GSE1: variants seen among roughly 807,000 people sequenced by gnomAD.
GSE1 encodes the protein genetic suppressor element 1.
Under a neutral mutation model 112.6 loss-of-function variants are expected in GSE1, and 32 were observed. The ratio of observed to expected loss-of-function variants is 0.28; its 90% CI spans 0.21 to 0.38. The LOEUF is 0.38. Ranked by LOEUF, GSE1 falls within the 10% of genes least tolerant of loss-of-function variation. The pLI is 1.00. For missense variants in GSE1, 2,348 were observed against 1,699.2 expected, an observed-to-expected ratio of 1.38 and a Z score of -6.71; for synonymous variants, 1,115 against 735.6, an observed-to-expected ratio of 1.52 and a Z score of -8.35.
intron 1 of GSE1, among the ~76,000 whole-genome samples, chr16:85,569,075 CT>C (rs1197932713): frequency 6.6e-6 from 1 of 152,218 alleles, no homozygotes; most frequent in East Asian, 1.9e-4. Context: ...AAATTCAAGC[CT>C]TCTTGAAATA....
At position 85,663,529 on chromosome 16, in the gene GSE1, G is replaced by C; in HGVS notation, c.2559G>C (p.Glu853Asp). ...LALSTRYSPD[E>D]MNNSPNFEEK... ...TGTCTACCCGCTACAGCCCTGATGA[G>C]ATGAACAACAGTCCCAACTTCGAAG... is the stretch of plus-strand genomic sequence containing the variant. The change falls in exon 11 of 16, where the codon GAG (glutamate) becomes GAC (aspartate). Residue 853 changes from glutamate (E) to aspartate (D), a missense_variant. Physicochemically the swap from Glu to Asp is conservative, Grantham distance 45. Transcript: ENST00000253458. The C allele has an allele frequency of 1.2e-6, 2 of 1,613,902 alleles. No homozygotes were observed. The highest frequency in any genetic ancestry group is 1.7e-6 in the Non-Finnish European group (2 of 1,180,002).
intron 2 of GSE1, among the ~76,000 whole-genome samples, chr16:85,393,848 C>T (rs1567732292): frequency 6.6e-6 from 1 of 152,192 alleles, no homozygotes; most frequent in Non-Finnish European, 1.5e-5. Context: ...TTCCCCACCA[C>T]GGGCAGGTGG....
At chr16:85,667,544 T>G (rs13340881) in intron 13 of GSE1, among the ~76,000 whole-genome samples, 1 of 152,198 alleles carries the variant, frequency 6.6e-6, no homozygotes, top group African/African-American at 2.4e-5. Context: ...TGCTGAGGGC[T>G]GACTATAGAC....
chr16:85,303,454 G>C (rs561045753), intron 1 of GSE1, among the ~76,000 whole-genome samples: 31 of 152,306 alleles, frequency 2.0e-4, no homozygotes, highest in African/African-American at 7.2e-4. Context: ...AGCCCTCCTA[G>C]CCACCAGAGG....
intron 2 of GSE1, among the ~76,000 whole-genome samples, chr16:85,477,472 A>G (rs2050493968): frequency 7.0e-6 from 1 of 143,854 alleles, no homozygotes; most frequent in South Asian, 2.2e-4. Flanking sequence ...GGCACCCCTC[A>G]CCTCCTTATT....
At chr16:85,260,894 C>G (rs1162347293) in intron 1 of GSE1, among the ~76,000 whole-genome samples, 1 of 152,232 alleles carries the variant, frequency 6.6e-6, no homozygotes, top group African/African-American at 2.4e-5. Context: ...GTGCCAGCAT[C>G]CAGATGGGGG....
intron 1 of GSE1, among the ~76,000 whole-genome samples, chr16:85,194,683 C>T (rs1051623242): frequency 1.3e-5 from 2 of 152,148 alleles, no homozygotes; most frequent in African/African-American, 4.8e-5. Flanking sequence ...GGAGCTTTGG[C>T]TGCAGGACTT....
At chr16:85,531,109 G>T (rs1371683430) in intron 2 of GSE1, among the ~76,000 whole-genome samples, 1 of 152,240 alleles carries the variant, frequency 6.6e-6, no homozygotes, top group Admixed American at 6.5e-5. Context: ...TCAGACCTCA[G>T]TGCAGGAGCT....
intron 1 of GSE1, among the ~76,000 whole-genome samples, chr16:85,263,770 A>C (rs903463593): frequency 1.3e-5 from 2 of 152,108 alleles, no homozygotes; most frequent in African/African-American, 4.8e-5. Flanking sequence ...ACAGGGTTTC[A>C]CCATGTTGAC....
chr16:85,647,473 TAAAG>T (rs758821468), intron 2 of GSE1, among the ~76,000 whole-genome samples: 4 of 152,326 alleles, frequency 2.6e-5, no homozygotes, highest in Admixed American at 6.5e-5. Context: ...ATGGATCTTT[TAAAG>T]AAACTCCCCC....
intron 1 of GSE1, chr16:85,580,319 G>A (rs57017384): frequency 1.3e-5 from 2 of 152,366 alleles, no homozygotes; most frequent in Non-Finnish European, 2.9e-5. Flanking sequence ...AGGGGTGAGT[G>A]CAGAGAGGGA....
upstream of GSE1, among the ~76,000 whole-genome samples, chr16:85,612,282 G>C (rs910339855): frequency 2.0e-5 from 3 of 151,992 alleles, no homozygotes; most frequent in Non-Finnish European, 1.5e-5. Flanking sequence ...GAGCCGGGGG[G>C]TGGGAAGGCT....
At chr16:85,587,269 T>G (rs181130599) in intron 1 of GSE1, among the ~76,000 whole-genome samples, 37 of 151,878 alleles carry the variant, frequency 2.4e-4, no homozygotes, top group African/African-American at 8.9e-4. Context: ...GAAACGGCGA[T>G]GTGGAGCCCC....
At chr16:85,222,494 A>G (rs2075411225) in intron 1 of GSE1, among the ~76,000 whole-genome samples, 1 of 152,198 alleles carries the variant, frequency 6.6e-6, no homozygotes, top group Admixed American at 6.5e-5. Flanking sequence ...GACGGTTCAC[A>G]CCAGGCCACC....
intron 1 of GSE1, among the ~76,000 whole-genome samples, chr16:85,573,852 C>G (rs150277566): frequency 4.2e-4 from 64 of 152,268 alleles, no homozygotes; most frequent in African/African-American, 1.4e-3. Context: ...CCTGGGAACT[C>G]AAGAAAATGT....
At chr16:85,603,847 A>G (rs745629130) in intron 1 of GSE1, among the ~76,000 whole-genome samples, 2 of 152,222 alleles carry the variant, frequency 1.3e-5, no homozygotes, top group Non-Finnish European at 2.9e-5. Flanking sequence ...TTCATGTAAC[A>G]TACAATTAGC....
At chr16:85,509,479 C>T (rs11642856) in intron 2 of GSE1, among the ~76,000 whole-genome samples, 39,139 of 152,210 alleles carry the variant, frequency 0.26, 5,376 homozygotes, top group East Asian at 0.42. Flanking sequence ...CTCCAGAGTA[C>T]GAAGGGGTCA....
chr16:85,642,916 C>T (rs570898479), intron 2 of GSE1, among the ~76,000 whole-genome samples: 59 of 152,266 alleles, frequency 3.9e-4, no homozygotes, highest in Admixed American at 8.5e-4. Flanking sequence ...GGTGAGGCCA[C>T]GCCCGCCTCG....
intron 2 of GSE1, among the ~76,000 whole-genome samples, chr16:85,371,580 G>A (rs750977981): frequency 2.0e-5 from 3 of 152,184 alleles, no homozygotes; most frequent in Non-Finnish European, 4.4e-5. Context: ...TGGGGCCACA[G>A]CTGACAGCCT....
Sources: allele counts gnomAD v4.1 joint callset (sites outside exome capture counted in the v4.1 genomes callset), GRCh38; gene constraint gnomAD v4.1.1; transcripts MANE v1.5; gene names NCBI Gene and HGNC (gene_info 2026-07-23, HGNC 2026-07-21).